The following CHRM3 variants were observed in gnomAD, a reference collection of about 807,000 sequenced individuals.
CHRM3 encodes the protein muscarinic acetylcholine receptor M3.
CHRM3 carries 11 observed loss-of-function variants against 41.8 expected under a neutral mutation model. The ratio of observed to expected loss-of-function variants is 0.26; its 90% confidence interval spans 0.17 to 0.44. The LOEUF (loss-of-function observed/expected upper bound fraction) is 0.44, where lower values mean the gene tolerates loss of function less well. Ranked by LOEUF, CHRM3 falls within the 20% of genes least tolerant of loss-of-function variation. CHRM3 has a pLI of 1.00. For missense variants in CHRM3, 571 were observed against 745.4 expected, an observed-to-expected ratio of 0.77 and a Z score of 2.72; for synonymous variants, 297 against 301.4, an observed-to-expected ratio of 0.99 and a Z score of 0.15.
chr1:239,693,153 A>G (rs1659870768), intron 5 of CHRM3, among the ~76,000 whole-genome samples: 2 of 152,140 alleles, frequency 1.3e-5, no homozygotes, highest in Admixed American at 1.3e-4. Context: ...TCTCTACAAA[A>G]TCATGGCTAC....
intron 5 of CHRM3, among the ~76,000 whole-genome samples, chr1:239,755,373 G>A (rs550214936): frequency 3.2e-4 from 48 of 152,250 alleles, no homozygotes; most frequent in Non-Finnish European, 3.2e-4. Context: ...AATATCTAGG[G>A]CATAGTAAAA....
chr1:239,855,030 T>G (rs939824138), intron 6 of CHRM3, among the ~76,000 whole-genome samples: 6 of 152,202 alleles, frequency 3.9e-5, no homozygotes, highest in African/African-American at 1.4e-4. Context: ...TATGCAGTTG[T>G]TTCTGGCAAT....
At chr1:239,441,577 G>A (rs893698179) in intron 1 of CHRM3, among the ~76,000 whole-genome samples, 1 of 152,210 alleles carries the variant, frequency 6.6e-6, no homozygotes, top group African/African-American at 2.4e-5. Flanking sequence ...TTGTTCATAT[G>A]TAGGAGAGGG....
chr1:239,484,806 G>C (rs1287682836), intron 1 of CHRM3, among the ~76,000 whole-genome samples: 1 of 152,180 alleles, frequency 6.6e-6, no homozygotes, highest in Admixed American at 6.5e-5. Context: ...CAGTGGCACA[G>C]AGTACACACC....
intron 6 of CHRM3, among the ~76,000 whole-genome samples, chr1:239,857,112 G>C (rs1180535432): frequency 6.6e-6 from 1 of 152,180 alleles, no homozygotes; most frequent in East Asian, 1.9e-4. Flanking sequence ...GATTGCTTAG[G>C]AGGCTGTTTG....
intron 1 of CHRM3, among the ~76,000 whole-genome samples, chr1:239,412,394 T>C (rs111743058): frequency 0.13 from 7,360 of 55,392 alleles, 236 homozygotes; most frequent in Admixed American, 0.21. Context: ...TCAGCACTGG[T>C]TCCTCCAGTC....
intron 1 of CHRM3, among the ~76,000 whole-genome samples, chr1:239,465,387 A>C (rs1002792253): frequency 6.6e-6 from 1 of 152,230 alleles, no homozygotes; most frequent in Non-Finnish European, 1.5e-5. Flanking sequence ...GTAAAGAAAA[A>C]TTCAAACTAA....
chr1:239,746,973 G>T (rs1264548507), intron 5 of CHRM3, among the ~76,000 whole-genome samples: 1 of 151,858 alleles, frequency 6.6e-6, no homozygotes, highest in Non-Finnish European at 1.5e-5. Flanking sequence ...GGCCAGGATG[G>T]TCTTGATCTC....
At chr1:239,664,295 C>T (rs1290270746) in intron 4 of CHRM3, among the ~76,000 whole-genome samples, 2 of 152,132 alleles carry the variant, frequency 1.3e-5, no homozygotes, top group Non-Finnish European at 2.9e-5. Context: ...GGCTTTTATT[C>T]CATTTTTAAT....
intron 1 of CHRM3, among the ~76,000 whole-genome samples, chr1:239,426,573 G>A (rs954913819): frequency 6.6e-6 from 1 of 151,930 alleles, no homozygotes; most frequent in East Asian, 1.9e-4. Flanking sequence ...GCATATGTGT[G>A]TGCAGGTTGA....
intron 3 of CHRM3, among the ~76,000 whole-genome samples, chr1:239,590,236 T>C (rs1663970354): frequency 6.6e-6 from 1 of 152,178 alleles, no homozygotes; most frequent in South Asian, 2.1e-4. Context: ...GATGAAATGA[T>C]TGAATTTCTT....
At chr1:239,455,359 T>C (rs1304892563) in intron 1 of CHRM3, among the ~76,000 whole-genome samples, 1 of 151,840 alleles carries the variant, frequency 6.6e-6, no homozygotes, top group Non-Finnish European at 1.5e-5. Flanking sequence ...CCTTCTACTT[T>C]TTTTTTTTTA....
chr1:239,653,402 G>C (rs868094265), intron 4 of CHRM3, among the ~76,000 whole-genome samples: 9 of 152,266 alleles, frequency 5.9e-5, no homozygotes, highest in Middle Eastern at 3.4e-3. Context: ...TTTTACAACC[G>C]AGTGATGCAG....
At chr1:239,663,469 C>T (rs978444062) in intron 4 of CHRM3, among the ~76,000 whole-genome samples, 8 of 152,210 alleles carry the variant, frequency 5.3e-5, no homozygotes, top group East Asian at 1.9e-4. Flanking sequence ...GGTCCCATGC[C>T]GGTGCCCTCA....
chr1:239,538,387 A>G (rs1217513929), intron 2 of CHRM3, among the ~76,000 whole-genome samples: 1 of 152,036 alleles, frequency 6.6e-6, no homozygotes, highest in Non-Finnish European at 1.5e-5. Context: ...GCATTAGCTA[A>G]ACTCCACCTC....
At chr1:239,481,914 T>C (rs1442983371) in intron 1 of CHRM3, among the ~76,000 whole-genome samples, 1 of 152,174 alleles carries the variant, frequency 6.6e-6, no homozygotes, top group Non-Finnish European at 1.5e-5. Context: ...AAGTGATTGA[T>C]AACTTTTGAA....
chr1:239,637,387 A>C (rs10925936), intron 4 of CHRM3, among the ~76,000 whole-genome samples: 12 of 152,172 alleles, frequency 7.9e-5, no homozygotes, highest in Admixed American at 3.3e-4. Context: ...ATCATTGTTA[A>C]TAACTTTCTA....
chr1:239,448,023 G>A (rs987143962), intron 1 of CHRM3, among the ~76,000 whole-genome samples: 20 of 152,096 alleles, frequency 1.3e-4, no homozygotes, highest in Admixed American at 1.2e-3. Context: ...AGACAGACAT[G>A]GATTCCAGTC....
intron 5 of CHRM3, among the ~76,000 whole-genome samples, chr1:239,738,049 C>T (rs1428445319): frequency 1.3e-5 from 2 of 152,096 alleles, no homozygotes; most frequent in Admixed American, 1.3e-4. Flanking sequence ...GTGGATGAAG[C>T]TTCTTTAATT....
Sources: allele counts gnomAD v4.1 joint callset (sites outside exome capture counted in the v4.1 genomes callset), GRCh38; gene constraint gnomAD v4.1.1; transcripts MANE v1.5; gene names NCBI Gene and HGNC (gene_info 2026-07-23, HGNC 2026-07-21).